The following RPP25 variants were observed in gnomAD, a reference collection of about 807,000 sequenced individuals.
RPP25 encodes the protein ribonuclease P/MRP subunit p25, also known as ribonuclease P protein subunit p25.
In RPP25, 2 loss-of-function variants were observed where a neutral mutation model predicts 4.4. That is an observed-to-expected ratio of 0.45 (90% CI 0.19 to 1.43). The LOEUF (loss-of-function observed/expected upper bound fraction) is 1.43, where lower values mean the gene tolerates loss of function less well. RPP25 is among the 40% of genes most tolerant of loss of function. The probability of loss-of-function intolerance (pLI) is 0.26; values close to 1 mark genes in which losing one functional copy is unlikely to be tolerated. For synonymous variants in RPP25, 144 were observed against 136.2 expected (o/e 1.06, Z -0.40); for missense variants, 319 against 293.8 (o/e 1.09, Z -0.63).
chr15:74,954,657 A>C lies in RPP25; in HGVS notation c.*1327T>G, dbSNP rs2141281285. The C allele has an allele frequency of 6.6e-6, 1 of 152,618 alleles. No individual in the cohort carries two copies. Among genetic ancestry groups the C allele is most frequent in the Non-Finnish European group, 1.5e-5 (1 of 68,292 alleles). The allele number at this position is 152,618 out of a possible 1,614,324, so 9.5% of individuals were successfully genotyped here. On this transcript the variant is annotated 3_prime_UTR_variant, in exon 1 of 1. Transcript: ENST00000322177. ...GAAGCTTATGAGGCTGTTATCTCTC[A>C]ACAGACAGCTGTGCAGGGCTGGAGG... is the stretch of plus-strand genomic sequence containing the variant.
chr15:74,955,874 T>A lies in RPP25; in HGVS notation c.*110A>T. 1 of 1,440,362 alleles carries A rather than the reference T, an allele frequency of 6.9e-7. No homozygotes were observed. The allele number at this position is 1,440,362 out of a possible 1,614,324, so 89.2% of individuals were successfully genotyped here. ...ATGCTACCTGTCTTGAGGAGCTGTG[T>A]CCAGGTTGTGGGCTCCGGAGGACCG... On this transcript the variant is annotated 3_prime_UTR_variant, in exon 1 of 1. Transcript: ENST00000322177.
Position 74,955,848 on chromosome 15 carries a change from C to T in RPP25, c.*136G>A. 1 of 1,264,568 alleles carries T rather than the reference C, an allele frequency of 7.9e-7. No homozygotes were observed. The highest frequency in any genetic ancestry group is 1.1e-6 in the Non-Finnish European group (1 of 931,952). 78.3% of individuals were successfully genotyped at this position (1,264,568 alleles called of 1,614,324 possible). ...GCCCCTCTCTTGTCGCCTTAAGGTC[C>T]ATGCTACCTGTCTTGAGGAGCTGTG... On this transcript the variant is annotated 3_prime_UTR_variant, in exon 1 of 1. Transcript: ENST00000322177.
Position 74,955,713 on chromosome 15 carries a change from G to A in RPP25, c.*271C>T, listed in dbSNP as rs2065465231. On this transcript the variant is annotated 3_prime_UTR_variant, in exon 1 of 1. Transcript: ENST00000322177. Reference sequence around the variant, plus strand: ...CTGTCCACCATTCTCCCCCAAAGAAGGTCCCAGAAAAGGTGAAGTTCCGTG... The same window carrying A: ...CTGTCCACCATTCTCCCCCAAAGAAAGTCCCAGAAAAGGTGAAGTTCCGTG... 1 of 511,640 alleles carries A rather than the reference G, an allele frequency of 2.0e-6. No homozygotes were observed. Among genetic ancestry groups the A allele is most frequent in the Non-Finnish European group, 3.5e-6 (1 of 289,556 alleles). 31.7% of individuals were successfully genotyped at this position (511,640 alleles called of 1,614,324 possible).
rs1417995708 is a variant in RPP25 at position 74,954,639 on chromosome 15, A to C, written c.*1345T>G. ...GGCTTGGAGTTGGGCAGAGAAGCTT[A>C]TGAGGCTGTTATCTCTCAACAGACA... On this transcript the variant is annotated 3_prime_UTR_variant, in exon 1 of 1. Transcript: ENST00000322177. 1 of 152,732 alleles carries C rather than the reference A, an allele frequency of 6.5e-6. No homozygotes were observed. The highest frequency in any genetic ancestry group is 1.5e-5 in the Non-Finnish European group (1 of 68,462). The allele number at this position is 152,732 out of a possible 1,614,324, so 9.5% of individuals were successfully genotyped here.
At position 74,956,536 on chromosome 15, in the gene RPP25, G is replaced by A. The variant is rs970175790; in HGVS notation, c.48C>T (p.Cys16=). 7 of 1,518,822 alleles carry A rather than the reference G, an allele frequency of 4.6e-6. No individual in the cohort carries two copies. Among genetic ancestry groups the A allele is most frequent in the Admixed American group, 2.1e-5 (1 of 47,542 alleles). The allele number at this position is 1,518,822 out of a possible 1,614,324, so 94.1% of individuals were successfully genotyped here. ...KVRSEEAPAG[C]GAEGGGPGSG... is the part of the protein sequence containing the mutation. ...AGCCCGGGCCGCCTCCCTCGGCCCC[G>A]CACCCCGCTGGCGCCTCTTCGGAGC... Residue 16 remains cysteine (C), a synonymous_variant, in exon 1 of 1, where the codon TGC becomes TGT. Coordinates refer to ENST00000322177, the MANE Select transcript of RPP25 (RefSeq NM_017793.3).
In RPP25 at chr15:74,956,467, C is replaced by T. The variant is rs751943273; in HGVS notation, c.117G>A (p.Arg39=). 3.8e-6 allele frequency: 6 copies of T among 1,567,206 alleles called. No individual in the cohort carries two copies. In the East Asian group the frequency reaches 1.4e-4, roughly 37 times the overall value. ...ADLAPGAVHM[R]VKEGSKIRNL... is the part of the protein sequence containing the mutation. ...TCCGGATCTTGCTGCCTTCCTTGAC[C>T]CGCATGTGCACCGCGCCCGGCGCCA... Residue 39 remains arginine (R), a synonymous_variant, in exon 1 of 1, where the codon CGG becomes CGA. Transcript: ENST00000322177.
In RPP25 at chr15:74,956,453, C is replaced by T; in HGVS notation, c.131G>A (p.Ser44Asn). The part of the protein sequence containing the change: ...GAVHMRVKEG[S>N]KIRNLMAFAT... ...GAAGGCCATCAGGTTCCGGATCTTG[C>T]TGCCTTCCTTGACCCGCATGTGCAC... Residue 44 changes from serine (S) to asparagine (N), a missense_variant, in exon 1 of 1, where the codon AGC becomes AAC. Ser to Asn is a conservative substitution (Grantham distance 46). Transcript: ENST00000322177. The T allele has an allele frequency of 6.3e-7, 1 of 1,579,678 alleles. No homozygotes were observed. The highest frequency in any genetic ancestry group is 1.1e-5 in the South Asian group (1 of 87,108).
rs2065469024 is a variant in RPP25, at chr15:74,956,103, A to T, written c.481T>A (p.Ser161Thr). Residue 161 changes from serine (S) to threonine (T), a missense_variant, in exon 1 of 1, where the codon TCG (serine) becomes ACG (threonine). Transcript: ENST00000322177. The part of the protein sequence containing the change: ...YQPPNPHPGP[S>T]SPPAAPASKR... ...GACGCTGGCGCGGCTGGCGGGGACGAGGGACCAGGATGGGGATTCGGGGGC... is the reference window on the plus strand; with the variant it reads ...GACGCTGGCGCGGCTGGCGGGGACGTGGGACCAGGATGGGGATTCGGGGGC... 6 of 1,608,840 alleles carry T rather than the reference A, an allele frequency of 3.7e-6. No homozygotes were observed. In the African/African-American group the frequency reaches 5.3e-5, roughly 14 times the overall value.
In RPP25 at chr15:74,955,086, A is replaced by C. The variant is rs2141281431; in HGVS notation, c.*898T>G. ...CCCATTTGCAACAGCCTCTGAGGCC[A>C]GGGCCAGCCCGGGAGGGCGGAGTGG... is the stretch of plus-strand genomic sequence containing the variant. On this transcript the variant is annotated 3_prime_UTR_variant, in exon 1 of 1. Coordinates refer to ENST00000322177, the MANE Select transcript of RPP25 (RefSeq NM_017793.3). 1 of 153,004 alleles carries C rather than the reference A, an allele frequency of 6.5e-6. No homozygotes were observed. The highest frequency in any genetic ancestry group is 2.4e-5 in the African/African-American group (1 of 41,604). The allele number at this position is 153,004 out of a possible 1,614,324, so 9.5% of individuals were successfully genotyped here. A position where few individuals can be genotyped will look rare whatever the true frequency, so the allele number is the denominator to read the frequency against.
In RPP25 at chr15:74,955,745, C is replaced by G; in HGVS notation, c.*239G>C. 5.3e-6 allele frequency: 3 copies of G among 564,536 alleles called. No individual in the cohort carries two copies. The highest frequency in any genetic ancestry group is 4.4e-5 in the South Asian group (2 of 45,502). 35.0% of individuals were successfully genotyped at this position (564,536 alleles called of 1,614,324 possible). A position where few individuals can be genotyped will look rare whatever the true frequency, so the allele number is the denominator to read the frequency against. On this transcript the variant is annotated 3_prime_UTR_variant, in exon 1 of 1. Transcript: ENST00000322177. ...GAAAAGGTGAAGTTCCGTGTCTTCACGCAACACGGGCATAAGCAGCAATTA... is the reference window on the plus strand; with the variant it reads ...GAAAAGGTGAAGTTCCGTGTCTTCAGGCAACACGGGCATAAGCAGCAATTA...
chr15:74,956,510 G>A lies in RPP25; in HGVS notation c.74C>T (p.Ser25Phe), dbSNP rs1263035526. 6.5e-7 allele frequency: 1 copy of A among 1,535,332 alleles called. No homozygotes were observed. Among genetic ancestry groups the A allele is most frequent in the South Asian group, 1.2e-5 (1 of 83,372 alleles). ...GCGAEGGGPGSGPFADLAPGA... is the reference protein window; with the variant it reads ...GCGAEGGGPGFGPFADLAPGA... The stretch of plus-strand genomic sequence containing the variant: ...CGGCGCCAGGTCTGCGAAGGGGCCG[G>A]AGCCCGGGCCGCCTCCCTCGGCCCC... The change falls in exon 1 of 1, where the codon TCC becomes TTC. Residue 25 changes from serine (S) to phenylalanine (F), a missense_variant. Ser to Phe is a radical substitution (Grantham distance 155, BLOSUM62 -2). Coordinates refer to ENST00000322177, the MANE Select transcript of RPP25 (RefSeq NM_017793.3).
Position 74,955,793 on chromosome 15 carries a change from G to A in RPP25, c.*191C>T. 1.5e-6 allele frequency: 1 copy of A among 671,958 alleles called. No individual in the cohort carries two copies. The allele number at this position is 671,958 out of a possible 1,614,324, so 41.6% of individuals were successfully genotyped here. On this transcript the variant is annotated 3_prime_UTR_variant, in exon 1 of 1. Coordinates refer to ENST00000322177, the MANE Select transcript of RPP25 (RefSeq NM_017793.3). ...TTATCGCACGAAGTTTCCCTAGGGT[G>A]GTCGGGGATCCTCTCCTGCCACTCC...
chr15:74,956,285 C>G lies in RPP25; in HGVS notation c.299G>C (p.Arg100Pro), dbSNP rs536155288. ...GCTCTGCCACACCTCGCGTACGCTCCGGTAGCGCAGCCGCGTGACCTGGTG... is the reference window on the plus strand; with the variant it reads ...GCTCTGCCACACCTCGCGTACGCTCGGGTAGCGCAGCCGCGTGACCTGGTG... ...GLHQVTRLRY[R>P]SVREVWQSLP... The change falls in exon 1 of 1, where the codon CGG becomes CCG. Residue 100 changes from arginine (R) to proline (P), a missense_variant. Transcript: ENST00000322177. 5.0e-6 allele frequency: 8 copies of G among 1,597,428 alleles called. No individual in the cohort carries two copies. Among genetic ancestry groups the G allele is most frequent in the Admixed American group, 1.7e-5 (1 of 58,468 alleles).
rs370662533 is a variant in RPP25, at chr15:74,956,178, C to G, written c.406G>C (p.Ala136Pro). The G allele has an allele frequency of 2.5e-6, 4 of 1,583,732 alleles. No individual in the cohort carries two copies. Among genetic ancestry groups the G allele is most frequent in the Non-Finnish European group, 3.4e-6 (4 of 1,165,810 alleles). ...AGCGCGTCCTTGGAAAGTAGGATGGCGAGGCCGGGCACGTTCTTAAGTACG... is the reference window on the plus strand; with the variant it reads ...AGCGCGTCCTTGGAAAGTAGGATGGGGAGGCCGGGCACGTTCTTAAGTACG... ...LSVLKNVPGL[A>P]ILLSKDALDP... The change falls in exon 1 of 1, where the codon GCC becomes CCC. Residue 136 changes from alanine (A) to proline (P), a missense_variant. Transcript: ENST00000322177.
rs11540265 is a variant in RPP25 at position 74,956,674 on chromosome 15, C to T, written c.-91G>A. 2 of 1,348,642 alleles carry T rather than the reference C, an allele frequency of 1.5e-6. No individual in the cohort carries two copies. Among genetic ancestry groups the T allele is most frequent in the Non-Finnish European group, 1.9e-6 (2 of 1,052,182 alleles). 83.5% of individuals were successfully genotyped at this position (1,348,642 alleles called of 1,614,324 possible). A position where few individuals can be genotyped will look rare whatever the true frequency, so the allele number is the denominator to read the frequency against. ...GCCGGTCGCGCCTTGCAAGGGCCAG[C>T]AGGGGTAAGGGCGCCGGAGCAGCGC... is the stretch of plus-strand genomic sequence containing the variant. On this transcript the variant is annotated 5_prime_UTR_variant, in exon 1 of 1. Transcript: ENST00000322177.
At position 74,955,696 on chromosome 15, in the gene RPP25, C is replaced by A; in HGVS notation, c.*288G>T. On this transcript the variant is annotated 3_prime_UTR_variant, in exon 1 of 1. Coordinates refer to ENST00000322177, the MANE Select transcript of RPP25 (RefSeq NM_017793.3). ...AAGTTTCCAGAATCCCACTGTCCAC[C>A]ATTCTCCCCCAAAGAAGGTCCCAGA... 2.1e-6 allele frequency: 1 copy of A among 478,942 alleles called. No homozygotes were observed. Among genetic ancestry groups the A allele is most frequent in the South Asian group, 2.6e-5 (1 of 39,088 alleles). 29.7% of individuals were successfully genotyped at this position (478,942 alleles called of 1,614,324 possible).
Position 74,955,988 on chromosome 15 carries a change from G to A in RPP25, c.596C>T (p.Ala199Val). 8 of 1,612,756 alleles carry A rather than the reference G, an allele frequency of 5.0e-6. No homozygotes were observed. The highest frequency in any genetic ancestry group is 6.8e-6 in the Non-Finnish European group (8 of 1,179,904). The change falls in exon 1 of 1, where the codon GCC becomes GTC. Residue 199 changes from alanine (A) to valine (V), a missense_variant. Transcript: ENST00000322177. ...GGTGGCCCACAGTCCGGAGTTTCAG[G>A]CCGTCTGATCCTCGTCCGCAACCCC... is the stretch of plus-strand genomic sequence containing the variant. ...EPGVADEDQT[A>V]
In RPP25 at chr15:74,955,795, T is replaced by G; in HGVS notation, c.*189A>C. The G allele has an allele frequency of 1.4e-6, 1 of 693,042 alleles. No individual in the cohort carries two copies. 42.9% of individuals were successfully genotyped at this position (693,042 alleles called of 1,614,324 possible). ...ATCGCACGAAGTTTCCCTAGGGTGG[T>G]CGGGGATCCTCTCCTGCCACTCCTG... On this transcript the variant is annotated 3_prime_UTR_variant, in exon 1 of 1. Transcript: ENST00000322177.
Position 74,955,661 on chromosome 15 carries a change from G to T in RPP25, c.*323C>A, listed in dbSNP as rs2065465032. On this transcript the variant is annotated 3_prime_UTR_variant, in exon 1 of 1. Transcript: ENST00000322177. ...ATGCTGGGTGGCTTTAACCCTTGGG[G>T]GTCCCAAACAAGTTTCCAGAATCCC... 7.7e-6 allele frequency: 3 copies of T among 388,746 alleles called. No individual in the cohort carries two copies. The highest frequency in any genetic ancestry group is 2.1e-5 in the African/African-American group (1 of 47,340). 24.1% of individuals were successfully genotyped at this position (388,746 alleles called of 1,614,324 possible).
Sources: gnomAD v4.1 joint callset for allele counts on GRCh38, gnomAD v4.1.1 for gene constraint, MANE v1.5 for transcripts, NCBI Gene and HGNC (gene_info 2026-07-23, HGNC 2026-07-21) for gene names.